PLA2G4D: variants seen among roughly 807,000 people sequenced by gnomAD.
PLA2G4D encodes the protein cytosolic phospholipase A2 delta.
PLA2G4D carries 80 observed loss-of-function variants against 94.4 expected under a neutral mutation model. The observed-to-expected ratio is 0.85, with a 90% CI of 0.71 to 1.02. PLA2G4D has a LOEUF of 1.02. Ranked by LOEUF, PLA2G4D falls within the 50% of genes least tolerant of loss-of-function variation. The pLI is 0.00. For synonymous variants in PLA2G4D, 438 were observed against 440.9 expected, an observed-to-expected ratio of 0.99 and a Z score of 0.08; for missense variants, 1,050 against 1,034.7, an observed-to-expected ratio of 1.01 and a Z score of -0.20.
chr15:42,078,395 T>C (rs1889968926), intron 13 of PLA2G4D, among the ~76,000 whole-genome samples: 1 of 152,258 alleles, frequency 6.6e-6, no homozygotes, highest in Non-Finnish European at 1.5e-5. Flanking sequence ...TTTCATTTCA[T>C]AGGCTGGTTG....
chr15:42,071,004 G>A, intron 17 of PLA2G4D, 119 bp downstream of exon 17: 1 of 1,522,192 alleles, frequency 6.6e-7, no homozygotes, highest in Non-Finnish European at 8.9e-7. Context: ...CTTCCAAGGG[G>A]ATCGTCTCCA....
rs1011917793 is a variant in PLA2G4D at position 42,072,361 on chromosome 15, G to A, written c.1349C>T (p.Ala450Val). 1 of 1,613,322 alleles carries A rather than the reference G, an allele frequency of 6.2e-7. No individual in the cohort carries two copies. The highest frequency in any genetic ancestry group is 2.2e-5 in the East Asian group (1 of 44,884). Residue 450 changes from alanine to valine, a missense_variant, in exon 14 of 20, where the codon GCC (alanine) becomes GTC (valine). Ala to Val is a moderately conservative substitution (Grantham distance 64, BLOSUM62 0). Transcript: ENST00000290472. ...VMDQKLSGQR[A>V]ALERGQNPLP... ...AGGGTTCTGACCCCGTTCCAGGGCG[G>A]CTCTCTGTCCTGACAGCTTCTGATC...
intron 16 of PLA2G4D, 49 bp from the exon 17 acceptor site, chr15:42,071,366 C>A: frequency 6.4e-7 from 1 of 1,566,444 alleles, no homozygotes; most frequent in Middle Eastern, 1.7e-4. Flanking sequence ...TTACTTCTTC[C>A]CCTCAGACAC....
At chr15:42,070,956 G>T in intron 17 of PLA2G4D, 73 bp from the exon 18 acceptor site, 1 of 1,549,562 alleles carries the variant, frequency 6.5e-7, no homozygotes. Flanking sequence ...CTCTCCTCTG[G>T]GTCACTCCTT....
At chr15:42,085,316 C>A (rs1031546905) in intron 5 of PLA2G4D, among the ~76,000 whole-genome samples, 175 bp downstream of exon 5, 2 of 152,070 alleles carry the variant, frequency 1.3e-5, no homozygotes, top group Non-Finnish European at 2.9e-5. Flanking sequence ...GAGAAAACAT[C>A]GGCCTTCCTC....
At chr15:42,070,217 C>T (rs1889776833) in intron 18 of PLA2G4D, 122 bp from the exon 19 acceptor site, 13 of 1,017,382 alleles carry the variant, frequency 1.3e-5, no homozygotes, top group African/African-American at 3.4e-5. Flanking sequence ...TGTTTGTGGT[C>T]GGGCCAAGCT....
intron 13 of PLA2G4D, among the ~76,000 whole-genome samples, chr15:42,078,272 C>T (rs1237240446): frequency 6.6e-6 from 1 of 152,186 alleles, no homozygotes; most frequent in East Asian, 1.9e-4. Context: ...TTTGAGGCTC[C>T]CTTGCCCTGC....
Position 42,071,473 on chromosome 15 carries a change from T to C in PLA2G4D, c.1652A>G (p.Gln551Arg). ...GCTCCTGGTCTTGTCCTTGATGTGC[T>C]GTTTCCAGGACTCCCCAGAACTGGT... ...DLTSSGESWK[Q>R]HIKDKTRSLE... The change falls in exon 16 of 20, where the codon CAG becomes CGG. Residue 551 changes from glutamine to arginine, a missense_variant. By Grantham distance (43) the Gln-to-Arg change is conservative (BLOSUM62 1). Transcript: ENST00000290472. 3.7e-6 allele frequency: 6 copies of C among 1,613,730 alleles called. No homozygotes were observed. The highest frequency in any genetic ancestry group is 5.1e-6 in the Non-Finnish European group (6 of 1,179,780).
chr15:42,067,415 C>T lies in PLA2G4D; in HGVS notation c.*1300G>A, dbSNP rs1269392977. On this transcript the variant is annotated 3_prime_UTR_variant, in exon 20 of 20. Transcript: ENST00000290472. The stretch of plus-strand genomic sequence containing the variant: ...ATTTAGCCAAGTATGGTGTTACATG[C>T]CTGTAGTCCCAGCTACTTGGGAGGC... The T allele has an allele frequency of 6.6e-6, 1 of 151,898 alleles. No homozygotes were observed. The highest frequency in any genetic ancestry group is 2.4e-5 in the African/African-American group (1 of 41,346). 9.4% of individuals were successfully genotyped at this position (151,898 alleles called of 1,614,324 possible).
rs911394090 is a variant in PLA2G4D at position 42,071,251 on chromosome 15, G to T, written c.1748C>A (p.Thr583Lys). The T allele has an allele frequency of 6.2e-7, 1 of 1,608,800 alleles. No individual in the cohort carries two copies. Among genetic ancestry groups the T allele is most frequent in the Non-Finnish European group, 8.5e-7 (1 of 1,178,536 alleles). Residue 583 changes from threonine (T) to lysine (K), a missense_variant, in exon 17 of 20, where the codon ACG becomes AAG. Coordinates refer to ENST00000290472, the MANE Select transcript of PLA2G4D (RefSeq NM_178034.4). ...GCCTTTAAATGCCTGGGCCAGCGCC[G>T]TGCCTGGCTGCAGCCACGAGGCCTC... Reference protein sequence around the residue: ...RLEASWLQPGTALAQAFKGFL... With the variant: ...RLEASWLQPGKALAQAFKGFL...
chr15:42,083,121 G>A (rs1405155846), intron 8 of PLA2G4D, 77 bp downstream of exon 8: 6 of 1,542,982 alleles, frequency 3.9e-6, no homozygotes, highest in Middle Eastern at 2.4e-4. Flanking sequence ...GGTGGGCAGG[G>A]AAGGCAGGGA....
Position 42,086,194 on chromosome 15 carries a change from T to TTGGGG in PLA2G4D, c.387+18_387+19insCCCCA. 9 of 1,370,414 alleles carry TTGGGG rather than the reference T, an allele frequency of 6.6e-6. No homozygotes were observed. Among genetic ancestry groups the TTGGGG allele is most frequent in the Non-Finnish European group, 7.7e-6 (8 of 1,043,054 alleles). 84.9% of individuals were successfully genotyped at this position (1,370,414 alleles called of 1,614,324 possible). ...GGAAGAAGTGGGGCCCACGGGGACT[T>TTGGGG]CCCCACCCACCCACCCACCTGGGGA... On this transcript the variant is annotated intron_variant, in intron 4 of 19. Transcript: ENST00000290472.
At chr15:42,091,915 C>T (rs1176171774) in intron 1 of PLA2G4D, among the ~76,000 whole-genome samples, 2 of 152,204 alleles carry the variant, frequency 1.3e-5, no homozygotes, top group Non-Finnish European at 2.9e-5. Context: ...ACCCACGTGA[C>T]CTTACCTATC....
Position 42,092,114 on chromosome 15 carries a change from C to A in PLA2G4D, c.45+2301G>T. Among the ~76,000 whole-genome samples, 3 of 152,248 alleles carry A rather than the reference C, an allele frequency of 2.0e-5. 1 individual carries two copies. Among genetic ancestry groups the A allele is most frequent in the Middle Eastern group, 3.4e-3 (1 of 294 alleles). On this transcript the variant is annotated intron_variant, in intron 1 of 19. Coordinates refer to ENST00000290472, the MANE Select transcript of PLA2G4D (RefSeq NM_178034.4). ...TTCTAAACTCTCTCGTCACCGCACA[C>A]GGGGAGAGACCCACCGACCCTGTGG...
At position 42,071,303 on chromosome 15, in the gene PLA2G4D, T is replaced by C. The variant is rs1236139719; in HGVS notation, c.1696A>G (p.Thr566Ala). The C allele has an allele frequency of 3.2e-6, 5 of 1,585,758 alleles. No individual in the cohort carries two copies. The South Asian group carries it at 5.7e-5, about 18-fold the overall frequency. Reference sequence around the variant, plus strand: ...AGCCGCGAGGAGGTCCCCGAGGTGGTCAGGGGCTCCTTCTCTGAAGCCAGA... The same window carrying C: ...AGCCGCGAGGAGGTCCCCGAGGTGGCCAGGGGCTCCTTCTCTGAAGCCAGA... ...KTRSLEKEPL[T>A]TSGTSSRLEA... is the part of the protein sequence containing the mutation. Residue 566 changes from threonine (T) to alanine (A), a missense_variant, in exon 17 of 20, where the codon ACC (threonine) becomes GCC (alanine). Transcript: ENST00000290472.
intron 12 of PLA2G4D, 100 bp from the exon 13 acceptor site, chr15:42,079,859 C>T: frequency 1.7e-6 from 2 of 1,180,830 alleles, no homozygotes; most frequent in South Asian, 1.5e-5. Flanking sequence ...CACGTGGCTC[C>T]TGCCACCAAG....
rs1889710161 is a variant in PLA2G4D at position 42,067,558 on chromosome 15, A to T, written c.*1157T>A. ...GATTCTGTCTCAAAAAAAAAAAAAA[A>T]GAAAGAAAAAGAAAAAGAAATGTGC... is the stretch of plus-strand genomic sequence containing the variant. On this transcript the variant is annotated 3_prime_UTR_variant, in exon 20 of 20. Coordinates refer to ENST00000290472, the MANE Select transcript of PLA2G4D (RefSeq NM_178034.4). The T allele has an allele frequency of 1.3e-5, 2 of 150,330 alleles. No homozygotes were observed. Among genetic ancestry groups the T allele is most frequent in the East Asian group, 3.9e-4 (2 of 5,164 alleles). 9.3% of individuals were successfully genotyped at this position (150,330 alleles called of 1,614,324 possible). A position where few individuals can be genotyped will look rare whatever the true frequency, so the allele number is the denominator to read the frequency against.
In PLA2G4D at chr15:42,070,826, A is replaced by T. The variant is rs777661630; in HGVS notation, c.1934T>A (p.Leu645Gln). The T allele has an allele frequency of 8.1e-6, 13 of 1,611,176 alleles. No homozygotes were observed. The highest frequency in any genetic ancestry group is 8.5e-6 in the Non-Finnish European group (10 of 1,178,860). Residue 645 changes from leucine (L) to glutamine (Q), a missense_variant, in exon 18 of 20, where the codon CTG becomes CAG. Physicochemically the swap from Leu to Gln is moderately radical, Grantham distance 113 (BLOSUM62 -2). Transcript: ENST00000290472. ...GTTGATGAAGTAGGCGGCGTCCACC[A>T]GGCAGAGCCGGGGCTCCTTGGGGGT... The part of the protein sequence containing the change: ...QLTPKEPRLC[L>Q]VDAAYFINTS...
intron 14 of PLA2G4D, 89 bp from the exon 15 acceptor site, chr15:42,072,000 A>G (rs1889834083): frequency 5.4e-6 from 8 of 1,483,562 alleles, no homozygotes; most frequent in Non-Finnish European, 7.3e-6. Flanking sequence ...CCCTGCCCCC[A>G]GCAGGCCTGA....
Sources: gnomAD v4.1 joint callset for allele counts (sites outside exome capture counted in the v4.1 genomes callset) on GRCh38, gnomAD v4.1.1 for gene constraint, MANE v1.5 for transcripts, NCBI Gene and HGNC (gene_info 2026-07-23, HGNC 2026-07-21) for gene names.